NAP1L4: variants seen among roughly 807,000 people sequenced by gnomAD.
NAP1L4 encodes the protein nucleosome assembly protein 1 like 4.
NAP1L4 carries 15 observed loss-of-function variants against 58.2 expected under a neutral mutation model. That is an observed-to-expected ratio of 0.26 (90% confidence interval 0.17 to 0.40). The LOEUF is 0.40. Among genes scored for constraint, NAP1L4 ranks in the 10% least tolerant of loss-of-function variants. The pLI, the probability that NAP1L4 is intolerant of heterozygous loss-of-function variation, is 1.00. For synonymous variants in NAP1L4, 171 were observed against 155.6 expected (o/e 1.10, Z -0.74); for missense variants, 384 against 451.1 (o/e 0.85, Z 1.35).
chr11:2,980,912 T>A (rs985387399), intron 1 of NAP1L4, among the ~76,000 whole-genome samples: 1 of 144,190 alleles, frequency 6.9e-6, no homozygotes, highest in Non-Finnish European at 1.5e-5. Context: ...TATGTTTTAA[T>A]GAAGAAGATG....
At chr11:2,965,850 G>A (rs1267478259) in intron 7 of NAP1L4, among the ~76,000 whole-genome samples, 1 of 152,188 alleles carries the variant, frequency 6.6e-6, no homozygotes, top group Non-Finnish European at 1.5e-5. Context: ...ACTTCTTTAA[G>A]AACACTTACA....
In NAP1L4 at chr11:2,971,401, T is replaced by G. The variant is rs1847628612; in HGVS notation, c.402+47A>C. 6.5e-7 allele frequency: 1 copy of G among 1,527,518 alleles called. No homozygotes were observed. The allele number at this position is 1,527,518 out of a possible 1,614,324, so 94.6% of individuals were successfully genotyped here. A position where few individuals can be genotyped will look rare whatever the true frequency, so the allele number is the denominator to read the frequency against. ...AAAATCATTAAAAAATGCTTATTTT[T>G]AACAGTATTAAAACAGAACATGAGT... On this transcript the variant is annotated intron_variant, in intron 6 of 15. Coordinates refer to ENST00000380542, the MANE Select transcript of NAP1L4 (RefSeq NM_005969.4). This position sits in a 1 kb window ranked among gnomAD's most constrained non-coding sequence, Gnocchi z 4.2.
chr11:2,982,403 T>C (rs1848374981), intron 1 of NAP1L4, among the ~76,000 whole-genome samples: 1 of 152,222 alleles, frequency 6.6e-6, no homozygotes, highest in African/African-American at 2.4e-5. Flanking sequence ...TCTAACACTG[T>C]CAGTTTAATG....
chr11:2,992,175 C>T (rs542867830), intron 1 of NAP1L4, 79 bp downstream of exon 1: 1 of 152,066 alleles, frequency 6.6e-6, no homozygotes, highest in African/African-American at 2.4e-5. Context: ...CGCGCCGGAC[C>T]CGCGGCCCCA....
intron 1 of NAP1L4, among the ~76,000 whole-genome samples, chr11:2,986,911 G>A (rs887966182): frequency 7.9e-5 from 4 of 50,486 alleles, no homozygotes; most frequent in African/African-American, 1.1e-4. Context: ...TTACAGGTAT[G>A]AGCCACCGCA....
chr11:2,949,160 A>G lies in NAP1L4; in HGVS notation c.*32+67T>C. 1 of 1,274,604 alleles carries G rather than the reference A, an allele frequency of 7.8e-7. No homozygotes were observed. The highest frequency in any genetic ancestry group is 1.1e-6 in the Non-Finnish European group (1 of 886,274). 79.0% of individuals were successfully genotyped at this position (1,274,604 alleles called of 1,614,324 possible). Reference sequence around the variant, plus strand: ...CAACTCCCTCTTTATTCAAAGTCAAAACAATGCATTGTATAAAGTATAGAT... The same window carrying G: ...CAACTCCCTCTTTATTCAAAGTCAAGACAATGCATTGTATAAAGTATAGAT... On this transcript the variant is annotated intron_variant, in intron 15 of 15. Transcript: ENST00000380542. This position sits in a 1 kb window ranked among gnomAD's most constrained non-coding sequence, Gnocchi z 4.0.
intron 1 of NAP1L4, chr11:2,991,324 G>T (rs1177366664): frequency 3.2e-6 from 1 of 308,612 alleles, no homozygotes; most frequent in East Asian, 8.2e-5. Context: ...CATTCAGAAG[G>T]GGAAAATTGA....
chr11:2,981,333 C>G (rs1848292023), intron 1 of NAP1L4, among the ~76,000 whole-genome samples: 1 of 145,816 alleles, frequency 6.9e-6, no homozygotes, highest in Non-Finnish European at 1.5e-5. Context: ...ACACTCGAGC[C>G]CAGGAGTTGG....
Position 2,976,084 on chromosome 11 carries a change from A to G in NAP1L4, c.113T>C (p.Leu38Pro). ...GTCAAGTCGCTCCTGTAAAGCTGCC[A>G]GAACTCGAGGATTCTGCATCACCTG... ...TDQVMQNPRV[L>P]AALQERLDNV... Residue 38 changes from leucine to proline, a missense_variant, in exon 4 of 16, where the codon CTG becomes CCG. Around this residue, in one of 3 missense-constraint regions of NAP1L4, gnomAD observed 84 missense variants for 73.7 expected, o/e 1.14. Coordinates refer to ENST00000380542, the MANE Select transcript of NAP1L4 (RefSeq NM_005969.4). 1 of 1,614,096 alleles carries G rather than the reference A, an allele frequency of 6.2e-7. No individual in the cohort carries two copies. The highest frequency in any genetic ancestry group is 8.5e-7 in the Non-Finnish European group (1 of 1,180,014).
In NAP1L4 at chr11:2,969,870, G is replaced by A; in HGVS notation, c.467C>T (p.Pro156Leu). Reference sequence around the variant, plus strand: ...AAACCAGAACTCTGGAATTCCTTTGGGATCTGGCTCTTCAGCCGTTGCCGC... The same window carrying A: ...AAACCAGAACTCTGGAATTCCTTTGAGATCTGGCTCTTCAGCCGTTGCCGC... The part of the protein sequence containing the change: ...KAAATAEEPD[P>L]KGIPEFWFTI... Residue 156 changes from proline to leucine, a missense_variant, in exon 7 of 16, where the codon CCC (proline) becomes CTC (leucine). This residue lies in a region of NAP1L4 where 296 missense variants were observed against 360.8 expected (regional missense o/e 0.82). Transcript: ENST00000380542. The A allele has an allele frequency of 1.9e-6, 3 of 1,613,722 alleles. No homozygotes were observed. Among genetic ancestry groups the A allele is most frequent in the Non-Finnish European group, 2.5e-6 (3 of 1,179,792 alleles).
chr11:2,950,298 A>C (rs1456823369), intron 14 of NAP1L4, among the ~76,000 whole-genome samples: 1 of 136,254 alleles, frequency 7.3e-6, no homozygotes, highest in Non-Finnish European at 1.5e-5. Flanking sequence ...ACACATTCTC[A>C]AAAAAGTTTT....
At chr11:2,969,696 A>G (rs1413268996) in intron 7 of NAP1L4, 107 bp downstream of exon 7, 9 of 1,310,416 alleles carry the variant, frequency 6.9e-6, no homozygotes, top group Non-Finnish European at 9.2e-6. Flanking sequence ...CCTTCCGCCC[A>G]CTATGAACAA....
Position 2,951,096 on chromosome 11 carries a change from C to G in NAP1L4, c.1122+163G>C, listed in dbSNP as rs1468191446. 7 of 670,958 alleles carry G rather than the reference C, an allele frequency of 1.0e-5. No individual in the cohort carries two copies. The highest frequency in any genetic ancestry group is 1.8e-5 in the Non-Finnish European group (7 of 378,894). 41.6% of individuals were successfully genotyped at this position (670,958 alleles called of 1,614,324 possible). A position where few individuals can be genotyped will look rare whatever the true frequency, so the allele number is the denominator to read the frequency against. On this transcript the variant is annotated intron_variant, in intron 14 of 15. Coordinates refer to ENST00000380542, the MANE Select transcript of NAP1L4 (RefSeq NM_005969.4). The surrounding 1 kb of genome is among the most constrained non-coding windows in gnomAD (Gnocchi z 4.0). ...ACACTCAACACTCAAATTATAGACACAGTGTCTGAATAATCATTCCACTAT... is the reference window on the plus strand; with the variant it reads ...ACACTCAACACTCAAATTATAGACAGAGTGTCTGAATAATCATTCCACTAT...
rs374935919 is a variant in NAP1L4 at position 2,955,684 on chromosome 11, T to C, written c.915+60A>G. 2.2e-4 allele frequency: 336 copies of C among 1,535,740 alleles called. No individual in the cohort carries two copies. Among genetic ancestry groups the C allele is most frequent in the Non-Finnish European group, 2.9e-4 (322 of 1,114,884 alleles). ...GGACTTTTTTTAACAAGTAGACAAG[T>C]AGACATTCACTCAGGAGAGACTTCA... is the stretch of plus-strand genomic sequence containing the variant. On this transcript the variant is annotated intron_variant, in intron 11 of 15. Coordinates refer to ENST00000380542, the MANE Select transcript of NAP1L4 (RefSeq NM_005969.4). The surrounding 1 kb of genome is among the most constrained non-coding windows in gnomAD (Gnocchi z 4.2).
intron 8 of NAP1L4, among the ~76,000 whole-genome samples, chr11:2,963,076 G>GT (rs1284285915): frequency 7.2e-6 from 1 of 139,720 alleles, no homozygotes; most frequent in Non-Finnish European, 1.5e-5. Flanking sequence ...CTCCAGCCTG[G>GT]TGACACAGTG....
Position 2,979,339 on chromosome 11 carries a change from A to C in NAP1L4, c.-17-102T>G, listed in dbSNP as rs548865689. ...TATCTGTGGGATGGAGTCCACTAGA[A>C]GGGACAGGAGGGAACTTTCTAGAGT... is the stretch of plus-strand genomic sequence containing the variant. On this transcript the variant is annotated intron_variant, in intron 1 of 15. Transcript: ENST00000380542. 1.2e-5 allele frequency: 11 copies of C among 895,514 alleles called. No individual in the cohort carries two copies. The East Asian group carries it at 2.6e-4, about 21-fold the overall frequency. 55.5% of individuals were successfully genotyped at this position (895,514 alleles called of 1,614,324 possible). A position where few individuals can be genotyped will look rare whatever the true frequency, so the allele number is the denominator to read the frequency against.
chr11:2,951,000 T>G (rs566293257), intron 14 of NAP1L4: 118 of 394,704 alleles, frequency 3.0e-4, no homozygotes, highest in African/African-American at 2.3e-3. Flanking sequence ...GAAAGTCAAG[T>G]TGCTCTACTG....
chr11:2,971,357 A>G lies in NAP1L4; in HGVS notation c.402+91T>C, dbSNP rs569320540. On this transcript the variant is annotated intron_variant, in intron 6 of 15. Coordinates refer to ENST00000380542, the MANE Select transcript of NAP1L4 (RefSeq NM_005969.4). This position sits in a 1 kb window ranked among gnomAD's most constrained non-coding sequence, Gnocchi z 4.2. ...CAGCAGCACCTACTGTTAGAAGCAC[A>G]TAAGTTTACTAGTCATTAAAAATCA... is the stretch of plus-strand genomic sequence containing the variant. 1.6e-4 allele frequency: 179 copies of G among 1,130,880 alleles called. 2 individuals carry two copies. In the South Asian group the frequency reaches 1.8e-3, roughly 11 times the overall value. 70.1% of individuals were successfully genotyped at this position (1,130,880 alleles called of 1,614,324 possible). A position where few individuals can be genotyped will look rare whatever the true frequency, so the allele number is the denominator to read the frequency against.
chr11:2,957,399 G>T (rs1416322347), intron 10 of NAP1L4, among the ~76,000 whole-genome samples: 1 of 152,222 alleles, frequency 6.6e-6, no homozygotes, highest in Non-Finnish European at 1.5e-5. Flanking sequence ...ACTGAACTCT[G>T]AAGGGCAGCT....
Sources: gnomAD v4.1 joint callset for allele counts (sites outside exome capture counted in the v4.1 genomes callset) on GRCh38, gnomAD v4.1.1 for gene constraint, gnomAD v4.1.1 regional missense constraint, Gnocchi (gnomAD v3.1) non-coding constraint, MANE v1.5 for transcripts, NCBI Gene and HGNC (gene_info 2026-07-23, HGNC 2026-07-21) for gene names.